Variants in ABHD2 observed in about 807,000 individuals in gnomAD.
The protein encoded by ABHD2 is abhydrolase domain containing 2, acylglycerol lipase.
Under a neutral mutation model 48.1 loss-of-function variants are expected in ABHD2, and 20 were observed. The observed-to-expected ratio is 0.42, with a 90% CI of 0.29 to 0.60. The LOEUF is 0.60. Among genes scored for constraint, ABHD2 ranks in the 20% least tolerant of loss-of-function variants. The pLI is 0.24. For missense variants in ABHD2, 405 were observed against 550.9 expected, an observed-to-expected ratio of 0.74 and a Z score of 2.65; for synonymous variants, 209 against 214.2, an observed-to-expected ratio of 0.98 and a Z score of 0.21.
chr15:89,077,112 C>G, the ABHD2 span, among the ~76,000 whole-genome samples: 1 of 152,210 alleles, frequency 6.6e-6, no homozygotes, highest in African/African-American at 2.4e-5. Flanking sequence ...AGCTCAGGAA[C>G]AGGGCATCAC....
At chr15:89,053,531 C>G in the ABHD2 span, among the ~76,000 whole-genome samples, 5 of 152,244 alleles carry the variant, frequency 3.3e-5, no homozygotes, top group East Asian at 9.7e-4. Flanking sequence ...CAGCAGCTAC[C>G]AATACTAACC....
intron 3 of ABHD2, among the ~76,000 whole-genome samples, chr15:89,127,468 A>G (rs1467775910): frequency 1.3e-5 from 2 of 151,932 alleles, no homozygotes. Flanking sequence ...TGCCATTGCC[A>G]TGACCAACCT....
intron 3 of ABHD2, among the ~76,000 whole-genome samples, chr15:89,119,233 C>T (rs1407874953): frequency 6.6e-6 from 1 of 152,190 alleles, no homozygotes; most frequent in Non-Finnish European, 1.5e-5. Flanking sequence ...ATAGGACCAG[C>T]CCTCTTAGAG....
chr15:89,086,138 C>G (rs1165451952), upstream of ABHD2, among the ~76,000 whole-genome samples: 2 of 152,054 alleles, frequency 1.3e-5, no homozygotes, highest in Admixed American at 1.3e-4. Context: ...AACGATTATC[C>G]TGCCTCAGCC....
intron 3 of ABHD2, among the ~76,000 whole-genome samples, chr15:89,141,643 G>T (rs79654430): frequency 6.6e-6 from 1 of 152,076 alleles, no homozygotes; most frequent in Non-Finnish European, 1.5e-5. Context: ...GTTAAAGCAG[G>T]AAGAGGGGAA....
At position 89,155,371 on chromosome 15, in the gene ABHD2, T is replaced by C; in HGVS notation, c.375T>C (p.Asp125=). ...EPLAEHCVGD[D]ITMVICPGIA... ...ATCTCTTTCTCTACGCTATAGATGA[T>C]ATCACCATGGTCATCTGCCCTGGAA... Residue 125 remains aspartate, a synonymous_variant, in exon 5 of 11, where the codon GAT becomes GAC. Coordinates refer to ENST00000352732, the MANE Select transcript of ABHD2 (RefSeq NM_152924.5). The surrounding 1 kb of genome is among the most constrained non-coding windows in gnomAD (Gnocchi z 4.9). 3 of 1,613,902 alleles carry C rather than the reference T, an allele frequency of 1.9e-6. No individual in the cohort carries two copies. Among genetic ancestry groups the C allele is most frequent in the Non-Finnish European group, 2.5e-6 (3 of 1,179,806 alleles).
In ABHD2 at chr15:89,151,250, G is replaced by A. The variant is rs962921002; in HGVS notation, c.195-427G>A. 6.6e-6 allele frequency among the ~76,000 whole-genome samples: 1 copy of A among 152,232 alleles called. No individual in the cohort carries two copies. On this transcript the variant is annotated intron_variant, in intron 3 of 10. Transcript: ENST00000352732. The surrounding 1 kb of genome is among the most constrained non-coding windows in gnomAD (Gnocchi z 4.7). Reference sequence around the variant, plus strand: ...AACCACTACAGCTGTGGCCTGTCTCGTTAGGGAAAGAAGAAGTGAGCTTTT... The same window carrying A: ...AACCACTACAGCTGTGGCCTGTCTCATTAGGGAAAGAAGAAGTGAGCTTTT...
the ABHD2 span, among the ~76,000 whole-genome samples, chr15:89,047,970 T>G: frequency 3.3e-5 from 5 of 151,112 alleles, no homozygotes; most frequent in Non-Finnish European, 5.9e-5. Context: ...TGCTCGATAG[T>G]TCATGCAGTT....
At chr15:89,107,671 C>T (rs1467571875) in intron 1 of ABHD2, among the ~76,000 whole-genome samples, 1 of 152,196 alleles carries the variant, frequency 6.6e-6, no homozygotes, top group Non-Finnish European at 1.5e-5. Flanking sequence ...AGGACAAACA[C>T]TGTGGCTGGA....
At chr15:89,059,602 G>T in the ABHD2 span, among the ~76,000 whole-genome samples, 1 of 152,170 alleles carries the variant, frequency 6.6e-6, no homozygotes, top group Non-Finnish European at 1.5e-5. Context: ...CTCTCATAGG[G>T]ATGGGCTTGA....
At chr15:89,134,954 C>T (rs1056506339) in intron 3 of ABHD2, among the ~76,000 whole-genome samples, 3 of 151,984 alleles carry the variant, frequency 2.0e-5, no homozygotes, top group Admixed American at 6.6e-5. Context: ...TCATTGCTTG[C>T]CATTTTATGA....
chr15:89,144,424 C>T (rs8039969), intron 3 of ABHD2, among the ~76,000 whole-genome samples: 59,594 of 152,048 alleles, frequency 0.39, 12,440 homozygotes, highest in East Asian at 0.81. Context: ...TGAGCCACCA[C>T]ACCGGGCCTA....
Position 89,196,436 on chromosome 15 carries a change from G to GA in ABHD2, c.*1014dup, listed in dbSNP as rs1478129032. The stretch of plus-strand genomic sequence containing the variant: ...TAAAATGGGGGACTTGGACCAGGTA[G>GA]ATTGCTGAGCTCACTACCAGGTTCA... On this transcript the variant is annotated 3_prime_UTR_variant, in exon 11 of 11. Coordinates refer to ENST00000352732, the MANE Select transcript of ABHD2 (RefSeq NM_152924.5). The GA allele has an allele frequency of 6.6e-6, 1 of 152,204 alleles. No individual in the cohort carries two copies. The highest frequency in any genetic ancestry group is 1.5e-5 in the Non-Finnish European group (1 of 68,048). The allele number at this position is 152,204 out of a possible 1,614,324, so 9.4% of individuals were successfully genotyped here.
intron 3 of ABHD2, among the ~76,000 whole-genome samples, chr15:89,134,143 A>G (rs2050265741): frequency 6.6e-6 from 1 of 151,768 alleles, no homozygotes; most frequent in South Asian, 2.1e-4. Context: ...CGGCCGCATA[A>G]TTTTTTTTAA....
the ABHD2 span, among the ~76,000 whole-genome samples, chr15:89,072,714 T>G: frequency 6.6e-6 from 1 of 152,294 alleles, no homozygotes; most frequent in East Asian, 1.9e-4. Context: ...CATGATATCT[T>G]TGGTATTCAC....
the ABHD2 span, among the ~76,000 whole-genome samples, chr15:89,043,639 GGAGGAAGGA>G: frequency 2.2e-5 from 3 of 136,798 alleles, no homozygotes; most frequent in African/African-American, 8.1e-5. Context: ...AGGAGGAGGA[GGAGGAAGGA>G]GAAGGAGGAG....
At chr15:89,055,849 T>C in the ABHD2 span, among the ~76,000 whole-genome samples, 25,010 of 152,082 alleles carry the variant, frequency 0.16, 2,344 homozygotes, top group South Asian at 0.28. Flanking sequence ...TACAAACTAA[T>C]TGTGTAATGT....
intron 3 of ABHD2, among the ~76,000 whole-genome samples, chr15:89,140,259 G>A (rs888169470): frequency 2.6e-5 from 4 of 152,128 alleles, no homozygotes; most frequent in African/African-American, 9.7e-5. Context: ...ACATTTTATG[G>A]TCACAAGCCC....
intron 3 of ABHD2, among the ~76,000 whole-genome samples, chr15:89,126,713 A>G (rs769538193): frequency 2.6e-5 from 4 of 152,206 alleles, no homozygotes; most frequent in Non-Finnish European, 5.9e-5. Context: ...TCTCAGTGCC[A>G]GTGTCATGCA....
Sources: allele counts gnomAD v4.1 joint callset (sites outside exome capture counted in the v4.1 genomes callset), GRCh38; gene constraint gnomAD v4.1.1; non-coding constraint Gnocchi (gnomAD v3.1); transcripts MANE v1.5; gene names NCBI Gene and HGNC (gene_info 2026-07-23, HGNC 2026-07-21).